Variants in STAG1 observed in about 807,000 individuals in gnomAD.
The protein encoded by STAG1 is cohesin subunit SA-1.
Under a neutral mutation model 170.9 loss-of-function variants are expected in STAG1, and 26 were observed. The ratio of observed to expected loss-of-function variants is 0.15; its 90% confidence interval spans 0.11 to 0.21. The LOEUF is 0.21. Among genes scored for constraint, STAG1 ranks in the 10% least tolerant of loss-of-function variants. The pLI, the probability that STAG1 is intolerant of heterozygous loss-of-function variation, is 1.00. For missense variants in STAG1, 964 were observed against 1,509.5 expected (o/e 0.64, Z 5.99); for synonymous variants, 514 against 497.7 (o/e 1.03, Z -0.44).
intron 25 of STAG1, among the ~76,000 whole-genome samples, chr3:136,364,550 A>C (rs1049650925): frequency 6.6e-6 from 1 of 151,940 alleles, no homozygotes; most frequent in South Asian, 2.1e-4. Context: ...AACAGACTTA[A>C]CTCTTCATTT....
intron 25 of STAG1, among the ~76,000 whole-genome samples, chr3:136,365,051 G>A (rs1289049505): frequency 6.6e-6 from 1 of 152,142 alleles, no homozygotes; most frequent in Admixed American, 6.5e-5. Flanking sequence ...TATATCAGAA[G>A]AGCAAATAGC....
chr3:136,611,100 C>T (rs1293224534), intron 3 of STAG1, among the ~76,000 whole-genome samples: 1 of 152,112 alleles, frequency 6.6e-6, no homozygotes, highest in Non-Finnish European at 1.5e-5. Context: ...ACATGAAACT[C>T]GTTTATGTTT....
chr3:136,633,890 G>C (rs560573494), intron 1 of STAG1, among the ~76,000 whole-genome samples: 2 of 148,726 alleles, frequency 1.3e-5, no homozygotes, highest in South Asian at 4.3e-4. Context: ...TTGGGAGGCT[G>C]AGGCGGGCGA....
chr3:136,393,753 A>T (rs1246514888), intron 22 of STAG1, among the ~76,000 whole-genome samples: 4 of 151,588 alleles, frequency 2.6e-5, no homozygotes, highest in Non-Finnish European at 4.4e-5. Context: ...GTGTCACTAC[A>T]CTTGGCTAAT....
rs1045186981 is a variant in STAG1, at chr3:136,474,875, T to C, written c.1027-1238A>G. ...CGGTTTACTAGAACCACCTAGCACA[T>C]AGACCCCTAGGAGGTTATGCTCCAT... On this transcript the variant is annotated intron_variant, in intron 10 of 33. Coordinates refer to ENST00000383202, the MANE Select transcript of STAG1 (RefSeq NM_005862.3). Among the ~76,000 whole-genome samples the C allele has an allele frequency of 1.1e-4, 16 of 152,282 alleles. No individual in the cohort carries two copies. In the South Asian group the frequency reaches 1.7e-3, roughly 16 times the overall value.
Position 136,473,568 on chromosome 3 carries a change from TG to T in STAG1, c.1095del (p.Lys366AsnfsTer16). ...AATCGGTTAGTGAATAGTTCCAATT[TG>T]GGGAATAATTCTCTATTGGTATATA... The part of the protein sequence containing the change: ...QSLYTNRELF[P>X]KLELFTNRFK... On this transcript the variant is annotated frameshift_variant, in exon 11 of 34. Transcript: ENST00000383202. LOFTEE classifies it high-confidence loss of function. The T allele has an allele frequency of 6.2e-7, 1 of 1,612,086 alleles. No homozygotes were observed.
chr3:136,639,916 C>T (rs751840498), intron 1 of STAG1, among the ~76,000 whole-genome samples: 4 of 152,120 alleles, frequency 2.6e-5, no homozygotes, highest in Admixed American at 6.6e-5. Flanking sequence ...ATATATTAAA[C>T]CCACTAAATG....
At chr3:136,683,755 C>A (rs1023254135) in intron 1 of STAG1, among the ~76,000 whole-genome samples, 1 of 152,182 alleles carries the variant, frequency 6.6e-6, no homozygotes, top group Non-Finnish European at 1.5e-5. Context: ...AAAGTCAAAA[C>A]AGTCTCTGTT....
intron 9 of STAG1, among the ~76,000 whole-genome samples, chr3:136,489,926 G>A (rs1315763330): frequency 1.3e-5 from 2 of 152,158 alleles, no homozygotes; most frequent in Non-Finnish European, 2.9e-5. Context: ...TTGAAAGGTA[G>A]TAATGTGTAA....
chr3:136,631,299 C>T (rs1468996123), intron 1 of STAG1, among the ~76,000 whole-genome samples: 1 of 152,156 alleles, frequency 6.6e-6, no homozygotes, highest in Non-Finnish European at 1.5e-5. Context: ...GTAAAGAAGC[C>T]AATCTGAAAA....
chr3:136,346,383 C>T (rs577217336), intron 29 of STAG1, among the ~76,000 whole-genome samples: 42 of 152,262 alleles, frequency 2.8e-4, no homozygotes, highest in African/African-American at 9.9e-4. Context: ...TCTTTTAATA[C>T]TTTCTCATTT....
At chr3:136,349,106 T>C (rs1936340543) in intron 29 of STAG1, 52 bp downstream of exon 29, 2 of 1,301,304 alleles carry the variant, frequency 1.5e-6, no homozygotes, top group African/African-American at 1.5e-5. Flanking sequence ...TTTACTACTT[T>C]ATCTCTTTAA....
At position 136,578,226 on chromosome 3, in the gene STAG1, C is replaced by T. The variant is rs1937518078; in HGVS notation, c.298-9365G>A. 2.0e-5 allele frequency among the ~76,000 whole-genome samples: 3 copies of T among 152,302 alleles called. 1 individual carries two copies. The South Asian group carries it at 6.2e-4, about 32-fold the overall frequency. ...GAGATGATGGGATCCCAAGGTAACA[C>T]AGCCCAAGTGGCCACACTTAACCAT... On this transcript the variant is annotated intron_variant, in intron 4 of 33. Coordinates refer to ENST00000383202, the MANE Select transcript of STAG1 (RefSeq NM_005862.3).
chr3:136,546,866 C>A (rs1368242054), intron 5 of STAG1, among the ~76,000 whole-genome samples: 1 of 152,144 alleles, frequency 6.6e-6, no homozygotes, highest in African/African-American at 2.4e-5. Context: ...AGTTTCTTAT[C>A]AGACTGCATA....
At chr3:136,602,059 C>T (rs1282880255) in intron 4 of STAG1, among the ~76,000 whole-genome samples, 1 of 151,912 alleles carries the variant, frequency 6.6e-6, no homozygotes, top group Non-Finnish European at 1.5e-5. Flanking sequence ...ACATAAATAT[C>T]TCATAAAATA....
chr3:136,563,529 C>T (rs184737785), intron 5 of STAG1, among the ~76,000 whole-genome samples: 5 of 151,532 alleles, frequency 3.3e-5, no homozygotes, highest in East Asian at 1.9e-4. Flanking sequence ...CACGCACGCA[C>T]GCACAAACTC....
chr3:136,639,643 T>C (rs1284796866), intron 1 of STAG1, among the ~76,000 whole-genome samples: 2 of 152,162 alleles, frequency 1.3e-5, no homozygotes, highest in Admixed American at 6.5e-5. Flanking sequence ...TAACAGTACT[T>C]ACGAGAAAAC....
At chr3:136,470,421 C>G (rs953787171) in intron 12 of STAG1, among the ~76,000 whole-genome samples, 2 of 152,182 alleles carry the variant, frequency 1.3e-5, no homozygotes, top group African/African-American at 2.4e-5. Context: ...AAATGCAAAT[C>G]AAAACCACAA....
chr3:136,546,281 G>A (rs1936151641), intron 5 of STAG1, among the ~76,000 whole-genome samples: 1 of 152,100 alleles, frequency 6.6e-6, no homozygotes, highest in Admixed American at 6.5e-5. Context: ...GTTCTATTAC[G>A]ACTATTAATA....
Sources: gnomAD v4.1 joint callset for allele counts (sites outside exome capture counted in the v4.1 genomes callset) on GRCh38, gnomAD v4.1.1 for gene constraint, MANE v1.5 for transcripts, NCBI Gene and HGNC (gene_info 2026-07-23, HGNC 2026-07-21) for gene names.